Variants in WNT2B observed in about 807,000 individuals in gnomAD.
WNT2B encodes the protein protein Wnt-2b.
WNT2B carries 19 observed loss-of-function variants against 40.5 expected under a neutral mutation model. The ratio of observed to expected loss-of-function variants is 0.47; its 90% confidence interval spans 0.33 to 0.69. The LOEUF is 0.69. WNT2B is among the 30% of genes least tolerant of loss of function. The probability of loss-of-function intolerance (pLI) is 0.02; values close to 1 mark genes in which losing one functional copy is unlikely to be tolerated. For missense variants in WNT2B, 467 were observed against 556.4 expected (o/e 0.84, Z 1.62); for synonymous variants, 220 against 211.9 (o/e 1.04, Z -0.33).
At chr1:112,493,423 G>A (rs561314699) in intron 1 of WNT2B, among the ~76,000 whole-genome samples, 2 of 152,196 alleles carry the variant, frequency 1.3e-5, no homozygotes, top group Non-Finnish European at 2.9e-5. Flanking sequence ...TTCGAGACCA[G>A]CCTGGGCAAC....
At position 112,514,861 on chromosome 1, in the gene WNT2B, C is replaced by G. The variant is rs547645443; in HGVS notation, c.183-13C>G. 2 of 1,613,988 alleles carry G rather than the reference C, an allele frequency of 1.2e-6. No individual in the cohort carries two copies. The highest frequency in any genetic ancestry group is 2.2e-5 in the South Asian group (2 of 91,086). On this transcript the variant is annotated splice_polypyrimidine_tract_variant and intron_variant, in intron 1 of 4. Transcript: ENST00000369684. ...GTCTGGGATGTTCTGACAGGGCCAT[C>G]TCTGCCTTGCAGGTACATTGGGGCA... is the stretch of plus-strand genomic sequence containing the variant.
chr1:112,520,500 C>A lies in WNT2B; in HGVS notation c.1167C>A (p.Asp389Glu). ...CKAPKKAEWL[D>E]QT ...CCCCCAAGAAGGCAGAGTGGCTGGA[C>A]CAAACCTGAACACACAGATACCTCA... The change falls in exon 5 of 5, where the codon GAC becomes GAA. Residue 389 changes from aspartate (D) to glutamate (E), a missense_variant. By Grantham distance (45) the Asp-to-Glu change is conservative. Transcript: ENST00000369684. 2 of 1,613,996 alleles carry A rather than the reference C, an allele frequency of 1.2e-6. No homozygotes were observed. The highest frequency in any genetic ancestry group is 1.7e-6 in the Non-Finnish European group (2 of 1,179,916).
Position 112,516,349 on chromosome 1 carries a change from G to C in WNT2B, c.613G>C (p.Ala205Pro). The C allele has an allele frequency of 6.2e-7, 1 of 1,614,078 alleles. No individual in the cohort carries two copies. Among genetic ancestry groups the C allele is most frequent in the Non-Finnish European group, 8.5e-7 (1 of 1,180,016 alleles). ...GVRFAKAFVD[A>P]KEKRLKDARA... ...CCGTTTTGCCAAGGCCTTCGTGGAT[G>C]CCAAGGAGAAGAGGCTTAAGGATGC... Residue 205 changes from alanine (A) to proline (P), a missense_variant, in exon 3 of 5, where the codon GCC becomes CCC. Physicochemically the swap from Ala to Pro is conservative, Grantham distance 27. Around this residue, in one of 2 missense-constraint regions of WNT2B, gnomAD observed 330 missense variants for 438.6 expected, o/e 0.75. Transcript: ENST00000369684.
At chr1:112,505,937 T>C (rs1375187418), upstream of WNT2B, among the ~76,000 whole-genome samples, 1 of 152,200 alleles carries the variant, frequency 6.6e-6, no homozygotes, top group Non-Finnish European at 1.5e-5. Context: ...CTCTCAGAGC[T>C]GCTGATGTTT....
rs1022705688 is a variant in WNT2B, at chr1:112,527,799, T to G, written c.*7290T>G. The G allele has an allele frequency of 4.6e-5, 7 of 152,244 alleles. No homozygotes were observed. Among genetic ancestry groups the G allele is most frequent in the African/African-American group, 1.7e-4 (7 of 41,456 alleles). 9.4% of individuals were successfully genotyped at this position (152,244 alleles called of 1,614,324 possible). A position where few individuals can be genotyped will look rare whatever the true frequency, so the allele number is the denominator to read the frequency against. ...AATTGTAGGGATCTATTCAGCAGGC[T>G]GCCACACACATGCTGAGGTGGAGGC... is the stretch of plus-strand genomic sequence containing the variant. On this transcript the variant is annotated 3_prime_UTR_variant, in exon 5 of 5. Coordinates refer to ENST00000369684, the MANE Select transcript of WNT2B (RefSeq NM_024494.3).
intron 1 of WNT2B, among the ~76,000 whole-genome samples, chr1:112,478,305 A>C (rs542895067): frequency 1.3e-5 from 2 of 152,238 alleles, no homozygotes; most frequent in African/African-American, 4.8e-5. Context: ...AAAAATAATA[A>C]AGGCTAAAAA....
At chr1:112,484,244 C>T (rs1010305000) in intron 1 of WNT2B, among the ~76,000 whole-genome samples, 1 of 127,868 alleles carries the variant, frequency 7.8e-6, no homozygotes. Context: ...CATATATATA[C>T]ACATATATAT....
intron 1 of WNT2B, among the ~76,000 whole-genome samples, chr1:112,478,385 C>T (rs1402922001): frequency 6.6e-6 from 1 of 151,950 alleles, no homozygotes; most frequent in African/African-American, 2.4e-5. Flanking sequence ...ATAGAATCAA[C>T]CCAAAGAAGA....
At chr1:112,470,108 A>G (rs998494094) in intron 1 of WNT2B, among the ~76,000 whole-genome samples, 9 of 152,290 alleles carry the variant, frequency 5.9e-5, no homozygotes, top group African/African-American at 9.6e-5. Context: ...TGATTGCTCA[A>G]TGACCTTTTC....
chr1:112,523,156 ACT>A lies in WNT2B; in HGVS notation c.*2652_*2653del, dbSNP rs1282575082. On this transcript the variant is annotated 3_prime_UTR_variant, in exon 5 of 5. Transcript: ENST00000369684. The stretch of plus-strand genomic sequence containing the variant: ...CCTGACTTAAATCTACCTATACCCT[ACT>A]CTCTATTCTTTGGTTTTTGGTTCTC... The A allele has an allele frequency of 2.0e-5, 3 of 151,700 alleles. No homozygotes were observed. The highest frequency in any genetic ancestry group is 7.3e-5 in the African/African-American group (3 of 41,264). The allele number at this position is 151,700 out of a possible 1,614,324, so 9.4% of individuals were successfully genotyped here. A position where few individuals can be genotyped will look rare whatever the true frequency, so the allele number is the denominator to read the frequency against.
intron 1 of WNT2B, among the ~76,000 whole-genome samples, chr1:112,468,641 GATT>G (rs966893330): frequency 5.9e-5 from 9 of 151,634 alleles, no homozygotes; most frequent in South Asian, 2.1e-4. Flanking sequence ...ATTTTAATGG[GATT>G]ATTATTATTA....
In WNT2B at chr1:112,509,348, C is replaced by A; in HGVS notation, c.86C>A (p.Ala29Asp). The change falls in exon 1 of 5, where the codon GCC (alanine) becomes GAC (aspartate). Residue 29 changes from alanine to aspartate, a missense_variant. Physicochemically the swap from Ala to Asp is moderately radical, Grantham distance 126. Around this residue, in one of 2 missense-constraint regions of WNT2B, gnomAD observed 137 missense variants for 117.7 expected, o/e 1.16. Transcript: ENST00000369684. This position sits in a 1 kb window ranked among gnomAD's most constrained non-coding sequence, Gnocchi z 4.2. ...CCGGTCCCTGTGCCGTCGCCCGCGG[C>A]CCCCGACGGCTCCCGGGCTTCGGCC... Reference protein sequence around the residue: ...SAPVPVPSPAAPDGSRASARL... With the variant: ...SAPVPVPSPADPDGSRASARL... 1 of 1,593,562 alleles carries A rather than the reference C, an allele frequency of 6.3e-7. No individual in the cohort carries two copies.
intron 3 of WNT2B, 130 bp downstream of exon 3, chr1:112,516,547 C>A: frequency 7.9e-7 from 1 of 1,272,760 alleles, no homozygotes; most frequent in Non-Finnish European, 1.1e-6. Flanking sequence ...GCCCCAACAT[C>A]CTGGGACAGG....
upstream of WNT2B, among the ~76,000 whole-genome samples, chr1:112,505,419 G>A (rs1030498717): frequency 1.3e-5 from 2 of 152,246 alleles, no homozygotes; most frequent in African/African-American, 4.8e-5. Context: ...CACAGCAGGT[G>A]CTCAGTAAGT....
chr1:112,492,162 CAA>C (rs1651622452), intron 1 of WNT2B, among the ~76,000 whole-genome samples: 2 of 152,256 alleles, frequency 1.3e-5, no homozygotes, highest in South Asian at 4.1e-4. Context: ...AAAAGACACT[CAA>C]GATTTAGCAA....
At chr1:112,510,175 A>C (rs1384386472) in intron 1 of WNT2B, among the ~76,000 whole-genome samples, 2 of 151,408 alleles carry the variant, frequency 1.3e-5, no homozygotes, top group Non-Finnish European at 1.5e-5. Context: ...CAGGCCCTAG[A>C]CTCCAGACAC....
intron 1 of WNT2B, among the ~76,000 whole-genome samples, chr1:112,488,306 AAAC>A (rs71584739): frequency 1.1e-3 from 170 of 152,126 alleles, no homozygotes; most frequent in Middle Eastern, 0.01. Context: ...TCAAACAAAC[AAAC>A]AACAACAACA....
chr1:112,472,987 AGGGAGGGAG>A (rs1650928581), intron 1 of WNT2B, among the ~76,000 whole-genome samples: 1 of 121,134 alleles, frequency 8.3e-6, no homozygotes, highest in Non-Finnish European at 1.7e-5. Context: ...AGAAAGAGAG[AGGGAGGGAG>A]GGGAGGGAAG....
In WNT2B at chr1:112,509,570, C is replaced by T. The variant is rs1329782165; in HGVS notation, c.182+126C>T. ...CGGGTTGGAGACGATTCGGGCAGGA[C>T]TGTCACTGAAATCTGAAGTCGCGGG... On this transcript the variant is annotated intron_variant, in intron 1 of 4. Transcript: ENST00000369684. This position sits in a 1 kb window ranked among gnomAD's most constrained non-coding sequence, Gnocchi z 4.2. The T allele has an allele frequency of 1.1e-5, 12 of 1,069,674 alleles. No individual in the cohort carries two copies. The highest frequency in any genetic ancestry group is 3.3e-4 in the Middle Eastern group (1 of 3,076). The allele number at this position is 1,069,674 out of a possible 1,614,324, so 66.3% of individuals were successfully genotyped here.
Sources: allele counts gnomAD v4.1 joint callset (sites outside exome capture counted in the v4.1 genomes callset), GRCh38; gene constraint gnomAD v4.1.1; regional missense constraint gnomAD v4.1.1; non-coding constraint Gnocchi (gnomAD v3.1); transcripts MANE v1.5; gene names NCBI Gene and HGNC (gene_info 2026-07-23, HGNC 2026-07-21).